Variants in SLC66A1 observed in about 807,000 individuals in gnomAD.
SLC66A1 encodes lysosomal amino acid transporter 1 homolog.
SLC66A1 carries 23 observed loss-of-function variants against 33.0 expected under a neutral mutation model. The ratio of observed to expected loss-of-function variants is 0.70; its 90% CI spans 0.50 to 0.99. The LOEUF is 0.99. SLC66A1 is among the 50% of genes least tolerant of loss of function. The pLI, the probability that SLC66A1 is intolerant of heterozygous loss-of-function variation, is 0.00. For missense variants in SLC66A1, 335 were observed against 383.6 expected (o/e 0.87, Z 1.06); for synonymous variants, 164 against 175.5 (o/e 0.93, Z 0.52).
intron 2 of SLC66A1, among the ~76,000 whole-genome samples, chr1:19,323,153 A>G (rs548518646): frequency 1.8e-4 from 28 of 151,792 alleles, no homozygotes; most frequent in African/African-American, 6.3e-4. Flanking sequence ...TGCTGGGATT[A>G]CAGGTGTGAG....
chr1:19,324,734 C>A lies in SLC66A1; in HGVS notation c.266C>A (p.Ser89Tyr). The change falls in exon 3 of 8, where the codon TCC (serine) becomes TAC (tyrosine). Residue 89 changes from serine to tyrosine, a missense_variant. Transcript: ENST00000375153. ...GGAGACTCCTGCAACCTCATCGGCTCCTTCCTTGCTGACCAGCTGCCCCTG... is the reference window on the plus strand; with the variant it reads ...GGAGACTCCTGCAACCTCATCGGCTACTTCCTTGCTGACCAGCTGCCCCTG... Reference protein sequence around the residue: ...IGGDSCNLIGSFLADQLPLQT... With the variant: ...IGGDSCNLIGYFLADQLPLQT... 1 of 1,614,178 alleles carries A rather than the reference C, an allele frequency of 6.2e-7. No homozygotes were observed. Among genetic ancestry groups the A allele is most frequent in the Non-Finnish European group, 8.5e-7 (1 of 1,180,010 alleles).
chr1:19,316,353 T>TTTTG (rs377615723), intron 1 of SLC66A1, among the ~76,000 whole-genome samples: 3 of 144,818 alleles, frequency 2.1e-5, no homozygotes, highest in African/African-American at 7.7e-5. Flanking sequence ...TCTTTATGGT[T>TTTTG]TGTGTGTGTG....
At chr1:19,324,593 G>A (rs12142349) in intron 2 of SLC66A1, 40 bp from the exon 3 acceptor site, 88,901 of 1,612,420 alleles carry the variant, frequency 0.055, 2,815 homozygotes, top group Non-Finnish European at 0.062. Context: ...CCCCTGTAAG[G>A]TGGCCTGAGC....
intron 1 of SLC66A1, among the ~76,000 whole-genome samples, chr1:19,315,991 C>T (rs563808921): frequency 1.3e-5 from 2 of 152,302 alleles, no homozygotes; most frequent in South Asian, 2.1e-4. Context: ...GCTTGGCTCA[C>T]CGGTCCGAGC....
intron 2 of SLC66A1, among the ~76,000 whole-genome samples, chr1:19,323,066 A>G (rs2093846030): frequency 6.6e-6 from 1 of 151,704 alleles, no homozygotes; most frequent in South Asian, 2.1e-4. Flanking sequence ...TTTGGTAGAG[A>G]CAGGGTCTTG....
chr1:19,324,896 G>A, intron 3 of SLC66A1, 134 bp downstream of exon 3: 1 of 1,240,378 alleles, frequency 8.1e-7, no homozygotes, highest in Non-Finnish European at 1.1e-6. Context: ...TTGTGGGAGG[G>A]CCCCATCCTT....
intron 6 of SLC66A1, 98 bp downstream of exon 6, chr1:19,326,721 T>C (rs1466535820): frequency 7.7e-7 from 1 of 1,296,880 alleles, no homozygotes; most frequent in African/African-American, 1.5e-5. Context: ...ATAGGAGCCT[T>C]GGTTCAGAAA....
chr1:19,316,039 C>G (rs1026132099), intron 1 of SLC66A1, among the ~76,000 whole-genome samples: 1 of 152,130 alleles, frequency 6.6e-6, no homozygotes, highest in Non-Finnish European at 1.5e-5. Flanking sequence ...CCCAGCCGAG[C>G]CTCACTTTCC....
At position 19,327,263 on chromosome 1, in the gene SLC66A1, C is replaced by T. The variant is rs201042277; in HGVS notation, c.655C>T (p.Leu219=). The change falls in exon 7 of 8, where the codon CTG becomes TTG. Residue 219 remains leucine (L), a synonymous_variant. Transcript: ENST00000375153. ...GTCCACCCAGGGGATCTCCTACTCT[C>T]TGTTCGCGCTGGTGATGCTGGGGAA... ...RKSTQGISYS[L]FALVMLGNTL... 4.1e-5 allele frequency: 66 copies of T among 1,613,860 alleles called. 1 individual carries two copies. Among genetic ancestry groups the T allele is most frequent in the South Asian group, 3.8e-4 (35 of 91,092 alleles).
At chr1:19,333,336 G>A (rs755930111), downstream of SLC66A1, among the ~76,000 whole-genome samples, 1 of 151,880 alleles carries the variant, frequency 6.6e-6, no homozygotes, top group African/African-American at 2.4e-5. This position sits in a 1 kb window ranked among gnomAD's most constrained non-coding sequence, Gnocchi z 4.2. Context: ...GTGCCACCAC[G>A]CCCAGCTAGT....
At chr1:19,319,605 G>GTTTTTTTTTTGTTTTTTT (rs56769657) in intron 2 of SLC66A1, among the ~76,000 whole-genome samples, 33 of 111,848 alleles carry the variant, frequency 3.0e-4, no homozygotes, top group African/African-American at 1.3e-3. Flanking sequence ...GCACATTCAT[G>GTTTTTTTTTTGTTTTTTT]TTTTTTTTTT....
chr1:19,327,104 C>T (rs1367694967), intron 6 of SLC66A1, 123 bp from the exon 7 acceptor site: 19 of 1,029,650 alleles, frequency 1.8e-5, no homozygotes, highest in Non-Finnish European at 2.4e-5. Flanking sequence ...TCCCTGGGCA[C>T]CCAGGGAAAG....
At position 19,328,680 on chromosome 1, in the gene SLC66A1, C is replaced by A; in HGVS notation, c.*37C>A. 1.3e-6 allele frequency: 2 copies of A among 1,599,984 alleles called. No homozygotes were observed. Among genetic ancestry groups the A allele is most frequent in the Non-Finnish European group, 1.7e-6 (2 of 1,169,282 alleles). ...CTGAGCGCAGGAGGACAGGCACCAC[C>A]GGATGCCACACCAGGCAGGAGGAGG... On this transcript the variant is annotated 3_prime_UTR_variant, in exon 8 of 8. Coordinates refer to ENST00000375153, the MANE Select transcript of SLC66A1 (RefSeq NM_001040125.2). The surrounding 1 kb of genome is among the most constrained non-coding windows in gnomAD (Gnocchi z 4.7).
At position 19,318,000 on chromosome 1, in the gene SLC66A1, G is replaced by A. The variant is rs545044325; in HGVS notation, c.164+159G>A. On this transcript the variant is annotated intron_variant, in intron 2 of 7. Coordinates refer to ENST00000375153, the MANE Select transcript of SLC66A1 (RefSeq NM_001040125.2). ...ACAGGGACCTGCACTGATTGCTACC[G>A]CAGGTCAGACCTAGTGCTGGGCAGT... is the stretch of plus-strand genomic sequence containing the variant. 1.8e-4 allele frequency among the ~76,000 whole-genome samples: 27 copies of A among 152,290 alleles called. No homozygotes were observed. The South Asian group carries it at 5.0e-3, about 28-fold the overall frequency.
At chr1:19,322,820 A>G (rs563597656) in intron 2 of SLC66A1, among the ~76,000 whole-genome samples, 2 of 152,176 alleles carry the variant, frequency 1.3e-5, no homozygotes, top group Non-Finnish European at 2.9e-5. Context: ...ATCCAAGAGC[A>G]CTGGAAGGCT....
At chr1:19,320,888 T>G (rs1372305420) in intron 2 of SLC66A1, among the ~76,000 whole-genome samples, 2 of 149,442 alleles carry the variant, frequency 1.3e-5, no homozygotes, top group Non-Finnish European at 2.9e-5. Flanking sequence ...AATTTTTGTA[T>G]TTTTAGTAGA....
Position 19,317,724 on chromosome 1 carries a change from G to C in SLC66A1, c.47G>C (p.Ser16Thr). The change falls in exon 2 of 8, where the codon AGT becomes ACT. Residue 16 changes from serine (S) to threonine (T), a missense_variant. Coordinates refer to ENST00000375153, the MANE Select transcript of SLC66A1 (RefSeq NM_001040125.2). ...TCCCGCAACTTCTCCAGCTGCCCCAGTGGCTCCATCCAGTGGATATGGGAT... is the reference window on the plus strand; with the variant it reads ...TCCCGCAACTTCTCCAGCTGCCCCACTGGCTCCATCCAGTGGATATGGGAT... ...LGSRNFSSCP[S>T]GSIQWIWDVL... 4 of 1,614,170 alleles carry C rather than the reference G, an allele frequency of 2.5e-6. No individual in the cohort carries two copies. The highest frequency in any genetic ancestry group is 3.4e-6 in the Non-Finnish European group (4 of 1,180,018).
intron 1 of SLC66A1, among the ~76,000 whole-genome samples, chr1:19,315,517 C>G (rs1171808488): frequency 6.6e-6 from 1 of 152,228 alleles, no homozygotes; most frequent in Non-Finnish European, 1.5e-5. Context: ...CCGGTGCTCC[C>G]TGGTCTCTGT....
At chr1:19,327,014 G>A (rs2093871760) in intron 6 of SLC66A1, among the ~76,000 whole-genome samples, 1 of 152,146 alleles carries the variant, frequency 6.6e-6, no homozygotes, top group African/African-American at 2.4e-5. Context: ...GCACAGCCAC[G>A]GTCTCCCGTG....
Sources: gnomAD v4.1 joint callset for allele counts (sites outside exome capture counted in the v4.1 genomes callset) on GRCh38, gnomAD v4.1.1 for gene constraint, Gnocchi (gnomAD v3.1) non-coding constraint, MANE v1.5 for transcripts, NCBI Gene and HGNC (gene_info 2026-07-23, HGNC 2026-07-21) for gene names.